Variants in VRK2 observed in about 807,000 individuals in gnomAD.
VRK2 encodes the protein VRK serine/threonine kinase 2.
In VRK2, 60 loss-of-function variants were observed where a neutral mutation model predicts 57.6. That is an observed-to-expected ratio of 1.04 (90% CI 0.85 to 1.29). The LOEUF is 1.29. VRK2 is among the 50% of genes most tolerant of loss of function. The probability of loss-of-function intolerance (pLI) is 0.00; values close to 1 mark genes in which losing one functional copy is unlikely to be tolerated. For missense variants in VRK2, 705 were observed against 588.1 expected (o/e 1.20, Z -2.06); for synonymous variants, 231 against 199.2 (o/e 1.16, Z -1.35).
upstream of VRK2, among the ~76,000 whole-genome samples, chr2:58,045,685 T>C (rs1271729112): frequency 2.6e-5 from 4 of 151,878 alleles, no homozygotes; most frequent in South Asian, 8.3e-4. Context: ...GGAGCCCCAA[T>C]TCCTTATTCT....
At position 58,104,678 on chromosome 2, in the gene VRK2, C is replaced by T. The variant is rs551617522; in HGVS notation, c.543+14955C>T. ...AGTGCAATCTCTATCCAAATACAAG[C>T]ATCATTTTTCACAGAATTAGACAAA... On this transcript the variant is annotated intron_variant, in intron 7 of 12. Transcript: ENST00000340157. Among the ~76,000 whole-genome samples, 38 of 151,858 alleles carry T rather than the reference C, an allele frequency of 2.5e-4. 1 individual carries two copies. In the South Asian group the frequency reaches 7.5e-3, roughly 30 times the overall value.
At chr2:58,108,026 A>G (rs530526698) in intron 7 of VRK2, among the ~76,000 whole-genome samples, 1 of 152,006 alleles carries the variant, frequency 6.6e-6, no homozygotes, top group African/African-American at 2.4e-5. Context: ...TTACTCTGTC[A>G]CTCAGTCCTC....
intron 10 of VRK2, among the ~76,000 whole-genome samples, chr2:58,136,894 GTATATATATCA>G (rs1284461303): frequency 6.4e-5 from 1 of 15,560 alleles, no homozygotes; most frequent in Non-Finnish European, 1.2e-4. Context: ...ATATATATGT[GTATATATATCA>G]TATATATATC....
intron 1 of VRK2, among the ~76,000 whole-genome samples, chr2:57,918,199 G>A (rs186913998): frequency 1.1e-4 from 16 of 152,112 alleles, no homozygotes; most frequent in Admixed American, 2.0e-4. Context: ...ATGTAATTCC[G>A]CCAAAATTCT....
exon 3 of VRK2, chr2:58,033,473 GA>G (rs1674178817): frequency 6.6e-6 from 1 of 151,962 alleles, no homozygotes; most frequent in South Asian, 2.1e-4. Context: ...AAAAGTCAAA[GA>G]AATGAATTCT....
At chr2:57,908,012 T>A (rs984781146) in intron 1 of VRK2, among the ~76,000 whole-genome samples, 2 of 152,038 alleles carry the variant, frequency 1.3e-5, no homozygotes, top group African/African-American at 4.8e-5. Context: ...TAGCAGTGGG[T>A]GACTGCTAGA....
chr2:58,046,594 A>C, upstream of VRK2: 1 of 985,532 alleles, frequency 1.0e-6, no homozygotes. Context: ...CACAGCTCCC[A>C]TTCCCCATGT....
rs535808651 is a variant in VRK2 at position 58,084,137 on chromosome 2, T to C, written c.185T>C (p.Val62Ala). The C allele has an allele frequency of 3.1e-6, 5 of 1,605,424 alleles. No homozygotes were observed. In the African/African-American group the frequency reaches 6.7e-5, roughly 21 times the overall value. Reference protein sequence around the residue: ...PEKDARHVVKVEYQENGPLFS... With the variant: ...PEKDARHVVKAEYQENGPLFS... ...AAAGATGCAAGACATGTAGTAAAAG[T>C]GGTAAGTGTTGCTCATAGATTTGTA... is the stretch of plus-strand genomic sequence containing the variant. The change falls in exon 3 of 13, where the codon GTG becomes GCG. Residue 62 changes from valine (V) to alanine (A), a missense_variant and splice_region_variant. By Grantham distance (64) the Val-to-Ala change is moderately conservative. Coordinates refer to ENST00000340157, the MANE Select transcript of VRK2 (RefSeq NM_006296.7).
chr2:58,073,873 T>C (rs1161803999), intron 2 of VRK2, among the ~76,000 whole-genome samples: 1 of 151,900 alleles, frequency 6.6e-6, no homozygotes, highest in Non-Finnish European at 1.5e-5. Context: ...CAGTCTAATC[T>C]TTTCACATTC....
chr2:58,120,919 CT>C (rs1434232122), intron 7 of VRK2, among the ~76,000 whole-genome samples: 3 of 152,190 alleles, frequency 2.0e-5, no homozygotes, highest in African/African-American at 7.2e-5. Context: ...AAACTCCCAC[CT>C]TTTGTTTCAC....
intron 12 of VRK2, among the ~76,000 whole-genome samples, chr2:58,151,703 A>AT (rs201113093): frequency 3.5e-3 from 133 of 37,886 alleles, no homozygotes; most frequent in Non-Finnish European, 5.7e-3. Flanking sequence ...CTGATTGAGA[A>AT]TTTTTTTTTA....
At chr2:58,084,804 AT>A in intron 3 of VRK2, 76 bp from the exon 4 acceptor site, 1 of 983,744 alleles carries the variant, frequency 1.0e-6, no homozygotes, top group Non-Finnish European at 1.5e-6. Flanking sequence ...ATATGTTCAT[AT>A]TTTCACAGTT....
intron 1 of VRK2, among the ~76,000 whole-genome samples, chr2:57,965,958 A>G (rs1334937920): frequency 1.3e-5 from 2 of 152,152 alleles, no homozygotes; most frequent in Non-Finnish European, 2.9e-5. Flanking sequence ...GCAATCTTTC[A>G]CTCCTTTTTA....
intron 3 of VRK2, among the ~76,000 whole-genome samples, chr2:58,038,876 C>T (rs1674357666): frequency 1.3e-5 from 2 of 152,076 alleles, no homozygotes; most frequent in Admixed American, 6.6e-5. Context: ...ACTACAGGTG[C>T]TGATGAAATA....
intron 1 of VRK2, among the ~76,000 whole-genome samples, chr2:58,011,921 C>T (rs1673429045): frequency 6.6e-6 from 1 of 152,128 alleles, no homozygotes; most frequent in Admixed American, 6.5e-5. Flanking sequence ...TCTTATGACA[C>T]TAACTCTAGG....
At chr2:58,063,257 T>A (rs928755401) in intron 2 of VRK2, among the ~76,000 whole-genome samples, 6 of 148,256 alleles carry the variant, frequency 4.0e-5, no homozygotes, top group Non-Finnish European at 7.4e-5. Flanking sequence ...TTTTTTTTTT[T>A]AACATATGAG....
chr2:58,100,147 TC>T (rs1160593077), intron 7 of VRK2, among the ~76,000 whole-genome samples: 10 of 151,952 alleles, frequency 6.6e-5, no homozygotes, highest in African/African-American at 9.7e-5. Flanking sequence ...CCTCATTAAA[TC>T]CGCTTGTTTA....
chr2:57,925,765 A>G (rs1304816828), intron 1 of VRK2, among the ~76,000 whole-genome samples: 2 of 150,460 alleles, frequency 1.3e-5, no homozygotes, highest in East Asian at 3.9e-4. Flanking sequence ...CTTTTCTTCT[A>G]ATTTTCAATT....
intron 1 of VRK2, among the ~76,000 whole-genome samples, chr2:57,974,914 T>G (rs1472930000): frequency 6.6e-6 from 1 of 151,796 alleles, no homozygotes; most frequent in African/African-American, 2.4e-5. Flanking sequence ...AAAAATTACA[T>G]AATAATAATG....
Sources: allele counts gnomAD v4.1 joint callset (sites outside exome capture counted in the v4.1 genomes callset), GRCh38; gene constraint gnomAD v4.1.1; transcripts MANE v1.5; gene names NCBI Gene and HGNC (gene_info 2026-07-23, HGNC 2026-07-21).